The following PDZRN3 variants were observed in gnomAD, a reference collection of about 807,000 sequenced individuals.
PDZRN3 encodes the protein PDZ domain containing ring finger 3, also known as E3 ubiquitin-protein ligase PDZRN3.
A neutral mutation model predicts 85.7 loss-of-function variants in PDZRN3; 38 were observed. The observed-to-expected ratio is 0.44, with a 90% CI of 0.34 to 0.58. The LOEUF is 0.58. Among genes scored for constraint, PDZRN3 ranks in the 20% least tolerant of loss-of-function variants. The pLI, the probability that PDZRN3 is intolerant of heterozygous loss-of-function variation, is 0.01. For missense variants in PDZRN3, 1,629 were observed against 1,506.4 expected (o/e 1.08, Z -1.35); for synonymous variants, 759 against 638.0 (o/e 1.19, Z -2.86).
At chr3:73,523,930 T>C (rs1218769827) in intron 3 of PDZRN3, among the ~76,000 whole-genome samples, 1 of 152,162 alleles carries the variant, frequency 6.6e-6, no homozygotes, top group Non-Finnish European at 1.5e-5. Flanking sequence ...TGGCAAAGGA[T>C]CCAAAGCATT....
intron 3 of PDZRN3, among the ~76,000 whole-genome samples, chr3:73,518,049 T>C (rs1704285781): frequency 6.6e-6 from 1 of 152,228 alleles, no homozygotes; most frequent in Admixed American, 6.5e-5. Context: ...GAAGAGATAT[T>C]TGGATGCCCA....
chr3:73,540,101 A>C (rs1277163197), intron 3 of PDZRN3, among the ~76,000 whole-genome samples: 4 of 151,330 alleles, frequency 2.6e-5, no homozygotes, highest in Non-Finnish European at 5.9e-5. Flanking sequence ...AAAAAAAAAA[A>C]AAAAAAAAAA....
At position 73,597,245 on chromosome 3, in the gene PDZRN3, G is replaced by A. The variant is rs372144376; in HGVS notation, c.918+5109C>T. On this transcript the variant is annotated intron_variant, in intron 3 of 9. Transcript: ENST00000263666. ...GTTCCACCAAGTAGCCTGGCTCTGG[G>A]AGGGAAAGCATTGCTAATCCTTTCT... Among the ~76,000 whole-genome samples the A allele has an allele frequency of 2.6e-5, 4 of 152,258 alleles. No homozygotes were observed. The East Asian group carries it at 7.7e-4, about 29-fold the overall frequency.
intron 3 of PDZRN3, among the ~76,000 whole-genome samples, chr3:73,523,350 G>C (rs984118336): frequency 1.3e-5 from 2 of 152,148 alleles, no homozygotes; most frequent in African/African-American, 2.4e-5. Context: ...ATTTGAAAGA[G>C]AGAAACAATT....
At chr3:73,477,051 T>C (rs1014680817) in intron 3 of PDZRN3, among the ~76,000 whole-genome samples, 1 of 152,226 alleles carries the variant, frequency 6.6e-6, no homozygotes, top group South Asian at 2.1e-4. Context: ...TCTTATAATG[T>C]ATCAGACAGC....
chr3:73,383,754 C>A lies in PDZRN3; in HGVS notation c.2812G>T (p.Val938Leu), dbSNP rs780293470. Residue 938 changes from valine (V) to leucine (L), a missense_variant, in exon 10 of 10, where the codon GTG becomes TTG. Coordinates refer to ENST00000263666, the MANE Select transcript of PDZRN3 (RefSeq NM_015009.3). ...DGTRYITKRP[V>L]RDRLLRERAL... is the part of the protein sequence containing the mutation. ...CGCTCCCGCAGCAGGCGGTCCCGCA[C>A]GGGCCTCTTGGTGATGTAGCGCGTC... is the stretch of plus-strand genomic sequence containing the variant. 2.5e-6 allele frequency: 4 copies of A among 1,612,646 alleles called. No homozygotes were observed. The highest frequency in any genetic ancestry group is 2.2e-5 in the South Asian group (2 of 91,056).
intron 3 of PDZRN3, among the ~76,000 whole-genome samples, chr3:73,519,960 T>C (rs899248781): frequency 6.6e-6 from 1 of 152,170 alleles, no homozygotes; most frequent in African/African-American, 2.4e-5. Context: ...GGAGGTGTTA[T>C]TCACATAGAC....
intron 6 of PDZRN3, among the ~76,000 whole-genome samples, chr3:73,390,654 T>TGTCTGTGTGA (rs36036904): frequency 2.1e-5 from 3 of 139,964 alleles, no homozygotes; most frequent in Non-Finnish European, 4.6e-5. Flanking sequence ...TGTGTGTGTG[T>TGTCTGTGTGA]GAGAGAGAGA....
chr3:73,547,880 G>A (rs964095732), intron 3 of PDZRN3, among the ~76,000 whole-genome samples: 1 of 152,180 alleles, frequency 6.6e-6, no homozygotes, highest in Admixed American at 6.5e-5. Flanking sequence ...AGAATGAAGC[G>A]GGGGAGGGTT....
At chr3:73,417,143 A>AT (rs1342985525) in intron 3 of PDZRN3, among the ~76,000 whole-genome samples, 6 of 152,084 alleles carry the variant, frequency 3.9e-5, no homozygotes, top group African/African-American at 1.4e-4. Context: ...GATTACAGGC[A>AT]TGAGCCACCA....
chr3:73,569,222 A>G, intron 3 of PDZRN3: 1 of 1,288,854 alleles, frequency 7.8e-7, no homozygotes, highest in South Asian at 1.2e-5. Context: ...AAGGTCCTTC[A>G]TAAATACTTC....
chr3:73,386,242 T>C (rs1701383738), intron 8 of PDZRN3, among the ~76,000 whole-genome samples: 2 of 145,690 alleles, frequency 1.4e-5, no homozygotes, highest in South Asian at 4.4e-4. Flanking sequence ...TTTTTTTTTT[T>C]TTTGAGACAG....
intron 1 of PDZRN3, among the ~76,000 whole-genome samples, chr3:73,623,390 C>T (rs1236620026): frequency 6.6e-6 from 1 of 152,202 alleles, no homozygotes; most frequent in Non-Finnish European, 1.5e-5. Context: ...GCAGAGTGCT[C>T]CTTTAATTCT....
intron 3 of PDZRN3, among the ~76,000 whole-genome samples, chr3:73,525,480 GCAT>G (rs1486365007): frequency 1.3e-5 from 2 of 152,152 alleles, no homozygotes; most frequent in African/African-American, 4.8e-5. Context: ...CCACTTATAG[GCAT>G]TCAAGCAAAG....
chr3:73,471,991 C>A (rs1031393842), intron 3 of PDZRN3, among the ~76,000 whole-genome samples: 3 of 152,190 alleles, frequency 2.0e-5, no homozygotes, highest in Non-Finnish European at 4.4e-5. Flanking sequence ...GGGGAAAAGA[C>A]CAACAAAGCC....
chr3:73,531,152 G>A (rs940913024), intron 3 of PDZRN3, among the ~76,000 whole-genome samples: 22 of 150,806 alleles, frequency 1.5e-4, no homozygotes, highest in Non-Finnish European at 1.5e-5. Context: ...TCAGGAGGCA[G>A]AGGCAGGAGA....
At chr3:73,422,369 A>G (rs1702221180) in intron 3 of PDZRN3, among the ~76,000 whole-genome samples, 1 of 152,236 alleles carries the variant, frequency 6.6e-6, no homozygotes, top group African/African-American at 2.4e-5. Flanking sequence ...AATGGAAATA[A>G]TAACTGTATC....
chr3:73,543,841 T>G (rs1701345071), intron 3 of PDZRN3, among the ~76,000 whole-genome samples: 1 of 152,240 alleles, frequency 6.6e-6, no homozygotes, highest in Admixed American at 6.5e-5. Context: ...CTTGCCTAAC[T>G]GAGATTCAGT....
chr3:73,527,400 T>C (rs1559723019), intron 3 of PDZRN3, among the ~76,000 whole-genome samples: 2 of 152,186 alleles, frequency 1.3e-5, no homozygotes, highest in Non-Finnish European at 1.5e-5. Context: ...GAAACGGATA[T>C]CTTGCATTCA....
Sources: gnomAD v4.1 joint callset for allele counts (sites outside exome capture counted in the v4.1 genomes callset) on GRCh38, gnomAD v4.1.1 for gene constraint, MANE v1.5 for transcripts, NCBI Gene and HGNC (gene_info 2026-07-23, HGNC 2026-07-21) for gene names.